Variants in ACSF3 observed in about 807,000 individuals in gnomAD.
ACSF3 encodes the protein acyl-CoA synthetase family member 3.
In ACSF3, 78 loss-of-function variants were observed where a neutral mutation model predicts 53.2. The ratio of observed to expected loss-of-function variants is 1.47; its 90% CI spans 1.22 to 1.77. ACSF3 has a LOEUF of 1.77. ACSF3 is among the 40% of genes most tolerant of loss of function. The probability of loss-of-function intolerance (pLI) is 0.00; values close to 1 mark genes in which losing one functional copy is unlikely to be tolerated. For missense variants in ACSF3, 937 were observed against 771.1 expected (o/e 1.22, Z -2.55); for synonymous variants, 414 against 333.1 (o/e 1.24, Z -2.65).
At chr16:89,105,705 C>T (rs1975892415) in intron 4 of ACSF3, among the ~76,000 whole-genome samples, 1 of 152,244 alleles carries the variant, frequency 6.6e-6, no homozygotes, top group South Asian at 2.1e-4. Context: ...GGCTGGTCTA[C>T]CATGGTCACT....
chr16:89,114,007 T>C lies in ACSF3; in HGVS notation c.978-332T>C, dbSNP rs373065351. Reference sequence around the variant, plus strand: ...GCAGCTGCACGGTCACTGCTGTTCTTGAGCGTGGTTGTGAACAGCGCAGGA... The same window carrying C: ...GCAGCTGCACGGTCACTGCTGTTCTCGAGCGTGGTTGTGAACAGCGCAGGA... On this transcript the variant is annotated intron_variant, in intron 5 of 10. Coordinates refer to ENST00000614302, the MANE Select transcript of ACSF3 (RefSeq NM_001243279.3). The C allele has an allele frequency of 1.0e-4, 39 of 383,894 alleles. No individual in the cohort carries two copies. The East Asian group carries it at 2.0e-3, about 19-fold the overall frequency. The allele number at this position is 383,894 out of a possible 1,614,324, so 23.8% of individuals were successfully genotyped here.
At chr16:89,124,562 TGA>T (rs72193064) in intron 7 of ACSF3, among the ~76,000 whole-genome samples, 100,627 of 150,982 alleles carry the variant, frequency 0.67, 34,263 homozygotes, top group Admixed American at 0.74. Flanking sequence ...TGTATGTGTG[TGA>T]GATACCCATG....
At chr16:89,112,038 C>T in intron 4 of ACSF3, 54 bp from the exon 5 acceptor site, 1 of 175,034 alleles carries the variant, frequency 5.7e-6, no homozygotes, top group Non-Finnish European at 9.9e-6. Context: ...GAGCCTCCGC[C>T]ACGGGCCCCA....
chr16:89,134,449 A>G (rs1291953100), intron 8 of ACSF3, among the ~76,000 whole-genome samples: 1 of 152,156 alleles, frequency 6.6e-6, no homozygotes, highest in African/African-American at 2.4e-5. Context: ...AGCACAGTGG[A>G]CACCCTGCGG....
At chr16:89,139,385 T>C (rs897297963) in intron 8 of ACSF3, among the ~76,000 whole-genome samples, 1 of 152,068 alleles carries the variant, frequency 6.6e-6, no homozygotes, top group Non-Finnish European at 1.5e-5. Context: ...CCCTGGGGCT[T>C]CCTGAGGCGG....
In ACSF3 at chr16:89,154,880, TG is replaced by T; in HGVS notation, c.*674del. On this transcript the variant is annotated 3_prime_UTR_variant, in exon 11 of 11. Coordinates refer to ENST00000614302, the MANE Select transcript of ACSF3 (RefSeq NM_001243279.3). ...GGATGGCCCCGGAGCTGCTCTGCCG[TG>T]ACCCTGCCTCACCCCCCAGCGCAGG... The T allele has an allele frequency of 4.4e-6, 2 of 454,132 alleles. No homozygotes were observed. The highest frequency in any genetic ancestry group is 8.8e-6 in the Non-Finnish European group (2 of 226,800). The allele number at this position is 454,132 out of a possible 1,614,324, so 28.1% of individuals were successfully genotyped here. A position where few individuals can be genotyped will look rare whatever the true frequency, so the allele number is the denominator to read the frequency against.
chr16:89,103,074 T>C (rs539271839), intron 4 of ACSF3, among the ~76,000 whole-genome samples: 3 of 152,378 alleles, frequency 2.0e-5, no homozygotes, highest in South Asian at 2.1e-4. Context: ...AGAACAGTTA[T>C]AACCATGTAC....
At chr16:89,104,013 G>A (rs7202765) in intron 4 of ACSF3, among the ~76,000 whole-genome samples, 100,849 of 152,022 alleles carry the variant, frequency 0.66, 34,165 homozygotes, top group Admixed American at 0.74. Flanking sequence ...TGGGGATGGC[G>A]GTGGCTTTTA....
chr16:89,118,968 G>T (rs1314090456), intron 6 of ACSF3, among the ~76,000 whole-genome samples: 1 of 152,042 alleles, frequency 6.6e-6, no homozygotes, highest in Non-Finnish European at 1.5e-5. Context: ...CATGCCCGGG[G>T]CACAGCGAGC....
intron 10 of ACSF3, chr16:89,152,888 G>A (rs1430120803): frequency 6.6e-6 from 1 of 152,076 alleles, no homozygotes; most frequent in Non-Finnish European, 1.5e-5. Flanking sequence ...AGAAAGAAAA[G>A]AGAAAAAAAG....
At chr16:89,123,717 A>G (rs2151487627) in intron 7 of ACSF3, among the ~76,000 whole-genome samples, 1 of 152,292 alleles carries the variant, frequency 6.6e-6, no homozygotes, top group Middle Eastern at 3.4e-3. Flanking sequence ...AACAGAAAGT[A>G]CCTGCAGAAA....
At chr16:89,105,964 T>C (rs1052231979) in intron 4 of ACSF3, among the ~76,000 whole-genome samples, 5 of 152,224 alleles carry the variant, frequency 3.3e-5, no homozygotes, top group African/African-American at 1.2e-4. Flanking sequence ...TCTCCAGCAC[T>C]GCATGAATGA....
Position 89,093,996 on chromosome 16 carries a change from G to A in ACSF3, c.-194G>A. On this transcript the variant is annotated splice_region_variant and 5_prime_UTR_variant, in exon 1 of 11. Transcript: ENST00000614302. ...GCCCCGTGGCCGCGGCCGTCTCGTAGGTGCGGGCGGCGGGGCCCACGGGAC... is the reference window on the plus strand; with the variant it reads ...GCCCCGTGGCCGCGGCCGTCTCGTAAGTGCGGGCGGCGGGGCCCACGGGAC... The A allele has an allele frequency of 5.0e-6, 1 of 198,342 alleles. No homozygotes were observed. Among genetic ancestry groups the A allele is most frequent in the Non-Finnish European group, 1.1e-5 (1 of 92,498 alleles). The allele number at this position is 198,342 out of a possible 1,614,324, so 12.3% of individuals were successfully genotyped here.
At chr16:89,136,420 G>T in intron 8 of ACSF3, 1 of 958,018 alleles carries the variant, frequency 1.0e-6, no homozygotes, top group Non-Finnish European at 1.4e-6. Context: ...GCATGTCTTT[G>T]TCACAGGCCA....
Position 89,133,298 on chromosome 16 carries a change from G to C in ACSF3, c.1366+36G>C, listed in dbSNP as rs768004632. 22 of 1,613,206 alleles carry C rather than the reference G, an allele frequency of 1.4e-5. No homozygotes were observed. In the Middle Eastern group the frequency reaches 1.0e-3, roughly 74 times the overall value. ...GCCCCATGGGAGTGGAGGAGACCCC[G>C]AGGGGACAGGCAGGAACTCATTGCT... On this transcript the variant is annotated intron_variant, in intron 8 of 10. Coordinates refer to ENST00000614302, the MANE Select transcript of ACSF3 (RefSeq NM_001243279.3).
chr16:89,151,170 G>C (rs948297112), intron 10 of ACSF3: 3 of 572,710 alleles, frequency 5.2e-6, no homozygotes, highest in South Asian at 4.5e-5. Context: ...CAGCAGTTCA[G>C]ATGAAACAGA....
chr16:89,115,645 A>G (rs1258125227), intron 6 of ACSF3, among the ~76,000 whole-genome samples: 1 of 152,210 alleles, frequency 6.6e-6, no homozygotes, highest in Non-Finnish European at 1.5e-5. Context: ...GATACCTAGG[A>G]GAGAGATTGC....
At chr16:89,143,424 C>T (rs1228993586) in intron 8 of ACSF3, among the ~76,000 whole-genome samples, 1 of 152,042 alleles carries the variant, frequency 6.6e-6, no homozygotes, top group Non-Finnish European at 1.5e-5. Flanking sequence ...AGGGTGGAGC[C>T]AGGCCAGAAG....
Position 89,133,133 on chromosome 16 carries a change from C to CG in ACSF3, c.1240-3_1240-2insG. The stretch of plus-strand genomic sequence containing the variant: ...TGACCTCCATGTTCTTCATCCTCCA[C>CG]AGGTGACCCCAGGGTTTGAAGAAAA... On this transcript the variant is annotated splice_polypyrimidine_tract_variant and splice_region_variant and intron_variant, in intron 7 of 10. Coordinates refer to ENST00000614302, the MANE Select transcript of ACSF3 (RefSeq NM_001243279.3). 6.2e-7 allele frequency: 1 copy of CG among 1,613,700 alleles called. No individual in the cohort carries two copies. The highest frequency in any genetic ancestry group is 8.5e-7 in the Non-Finnish European group (1 of 1,179,998).
Sources: gnomAD v4.1 joint callset for allele counts (sites outside exome capture counted in the v4.1 genomes callset) on GRCh38, gnomAD v4.1.1 for gene constraint, MANE v1.5 for transcripts, NCBI Gene and HGNC (gene_info 2026-07-23, HGNC 2026-07-21) for gene names.